Variants in RASGRF2 observed in about 807,000 individuals in gnomAD.
RASGRF2 encodes the protein Ras protein specific guanine nucleotide releasing factor 2, also known as ras-specific guanine nucleotide-releasing factor 2.
A neutral mutation model predicts 151.0 loss-of-function variants in RASGRF2; 76 were observed. The observed-to-expected ratio is 0.50, with a 90% CI of 0.42 to 0.61. The LOEUF is 0.61. Ranked by LOEUF, RASGRF2 falls within the 20% of genes least tolerant of loss-of-function variation. The pLI, the probability that RASGRF2 is intolerant of heterozygous loss-of-function variation, is 0.00. For missense variants in RASGRF2, 1,148 were observed against 1,564.6 expected (o/e 0.73, Z 4.49); for synonymous variants, 504 against 566.5 (o/e 0.89, Z 1.57).
chr5:80,972,804 C>G (rs546525502), intron 1 of RASGRF2, among the ~76,000 whole-genome samples: 101 of 152,292 alleles, frequency 6.6e-4, no homozygotes, highest in Middle Eastern at 3.4e-3. Flanking sequence ...AGTGCTTGTT[C>G]AACCTTTACC....
chr5:81,110,933 C>T (rs1369997766), intron 13 of RASGRF2, among the ~76,000 whole-genome samples: 3 of 152,190 alleles, frequency 2.0e-5, no homozygotes, highest in Admixed American at 2.0e-4. Flanking sequence ...AACGGGCCAC[C>T]CCAGTCAGCT....
intron 18 of RASGRF2, among the ~76,000 whole-genome samples, chr5:81,188,685 ACTC>A (rs1435405266): frequency 6.6e-6 from 1 of 152,182 alleles, no homozygotes; most frequent in East Asian, 1.9e-4. Flanking sequence ...ACTTACTGTG[ACTC>A]CACTCGTTTG....
At chr5:81,095,552 A>T (rs1752523876) in intron 12 of RASGRF2, among the ~76,000 whole-genome samples, 1 of 152,236 alleles carries the variant, frequency 6.6e-6, no homozygotes, top group Non-Finnish European at 1.5e-5. Flanking sequence ...AGGAAATAAT[A>T]TGATTTAGAA....
At chr5:81,049,161 TA>T (rs3991140) in intron 2 of RASGRF2, among the ~76,000 whole-genome samples, 93,281 of 116,690 alleles carry the variant, frequency 0.8, 37,851 homozygotes, top group Non-Finnish European at 0.9. Context: ...GCAAGTTCCC[TA>T]AAAAAAAAAA....
chr5:81,039,363 A>G (rs991829107), intron 1 of RASGRF2, among the ~76,000 whole-genome samples: 1 of 152,274 alleles, frequency 6.6e-6, no homozygotes, highest in African/African-American at 2.4e-5. Context: ...ACTAACCAAA[A>G]GACAAAATTA....
intron 12 of RASGRF2, among the ~76,000 whole-genome samples, chr5:81,105,734 G>A (rs1752828241): frequency 6.6e-6 from 1 of 152,002 alleles, no homozygotes; most frequent in African/African-American, 2.4e-5. Flanking sequence ...AAGGTCGCTG[G>A]GTGAAGGAGC....
chr5:81,007,919 C>G (rs922841695), intron 1 of RASGRF2, among the ~76,000 whole-genome samples: 1 of 152,104 alleles, frequency 6.6e-6, no homozygotes, highest in Non-Finnish European at 1.5e-5. Flanking sequence ...TGGAAGCATC[C>G]TCATCCCTTG....
intron 1 of RASGRF2, among the ~76,000 whole-genome samples, chr5:80,993,952 G>A (rs889141716): frequency 6.6e-6 from 1 of 152,010 alleles, no homozygotes; most frequent in African/African-American, 2.4e-5. Flanking sequence ...AGGGGCAAGT[G>A]GAAGACCCCT....
chr5:81,133,536 C>A (rs146945001), intron 17 of RASGRF2, among the ~76,000 whole-genome samples: 86 of 152,286 alleles, frequency 5.6e-4, no homozygotes, highest in African/African-American at 2.0e-3. Context: ...CAGAGCACAT[C>A]ATTGCACTTA....
chr5:80,975,697 G>T (rs1489506149), intron 1 of RASGRF2, among the ~76,000 whole-genome samples: 1 of 152,094 alleles, frequency 6.6e-6, no homozygotes, highest in Non-Finnish European at 1.5e-5. Context: ...GAGTGGTGAG[G>T]TATATATTTT....
At chr5:81,213,133 C>T (rs144098814) in intron 23 of RASGRF2, among the ~76,000 whole-genome samples, 4 of 152,304 alleles carry the variant, frequency 2.6e-5, no homozygotes, top group African/African-American at 9.6e-5. Flanking sequence ...CTGGCCTTCT[C>T]CCTGGGTGTT....
intron 12 of RASGRF2, among the ~76,000 whole-genome samples, chr5:81,097,536 A>AGGG (rs1478299087): frequency 5.3e-5 from 8 of 152,338 alleles, no homozygotes; most frequent in African/African-American, 1.9e-4. Context: ...AGAAGGTAAT[A>AGGG]GGGCAAGGTA....
At chr5:81,114,370 T>A (rs1753092631) in intron 15 of RASGRF2, among the ~76,000 whole-genome samples, 1 of 152,240 alleles carries the variant, frequency 6.6e-6, no homozygotes, top group Non-Finnish European at 1.5e-5. Context: ...CTGCTGAGGA[T>A]GAGCTAGGCT....
At chr5:80,984,213 C>G (rs539163338) in intron 1 of RASGRF2, among the ~76,000 whole-genome samples, 2 of 152,244 alleles carry the variant, frequency 1.3e-5, no homozygotes, top group East Asian at 1.9e-4. Context: ...GGCACCACAC[C>G]AGGCTAATTT....
In RASGRF2 at chr5:81,171,074, C is replaced by T. The variant is rs186551009; in HGVS notation, c.2687-9101C>T. ...TGAGGAGAAGAAAATGGCCCATTTT[C>T]ATCCTCCCTTATTAACCATCTCTAA... On this transcript the variant is annotated intron_variant, in intron 17 of 26. Coordinates refer to ENST00000265080, the MANE Select transcript of RASGRF2 (RefSeq NM_006909.3). Among the ~76,000 whole-genome samples the T allele has an allele frequency of 2.5e-3, 378 of 152,234 alleles. 2 individuals are homozygous for T. The highest frequency in any genetic ancestry group is 8.8e-3 in the African/African-American group (366 of 41,546).
chr5:81,116,158 C>CTGCAA (rs201995714), intron 15 of RASGRF2, among the ~76,000 whole-genome samples: 1,669 of 132,780 alleles, frequency 0.013, 16 homozygotes, highest in Non-Finnish European at 0.017. Context: ...TCTTGACTCA[C>CTGCAA]TGCAACCTCT....
chr5:80,996,525 C>T lies in RASGRF2; in HGVS notation c.288+35499C>T, dbSNP rs1485370028. Among the ~76,000 whole-genome samples, 338 of 57,036 alleles carry T rather than the reference C, an allele frequency of 5.9e-3. 2 individuals carry two copies. The highest frequency in any genetic ancestry group is 0.012 in the South Asian group (11 of 884). 37.4% of individuals were successfully genotyped at this position (57,036 alleles called of 152,430 possible). ...TCTTCCTCCTCCTCCTCCTCCCCCTCCTCCTCCTCCCCCTCCTCCTCCTCC... is the reference window on the plus strand; with the variant it reads ...TCTTCCTCCTCCTCCTCCTCCCCCTTCTCCTCCTCCCCCTCCTCCTCCTCC... On this transcript the variant is annotated intron_variant, in intron 1 of 26. Coordinates refer to ENST00000265080, the MANE Select transcript of RASGRF2 (RefSeq NM_006909.3).
At chr5:81,053,577 A>G (rs1446049250) in intron 2 of RASGRF2, among the ~76,000 whole-genome samples, 1 of 152,152 alleles carries the variant, frequency 6.6e-6, no homozygotes, top group Admixed American at 6.5e-5. Context: ...ATAGTGCTGC[A>G]ATAAACATAC....
At chr5:81,050,502 G>C (rs1397216282) in intron 2 of RASGRF2, among the ~76,000 whole-genome samples, 1 of 152,080 alleles carries the variant, frequency 6.6e-6, no homozygotes, top group East Asian at 1.9e-4. Context: ...GATGGAGTGA[G>C]CCAGTCCAAG....
Sources: allele counts gnomAD v4.1 joint callset (sites outside exome capture counted in the v4.1 genomes callset), GRCh38; gene constraint gnomAD v4.1.1; transcripts MANE v1.5; gene names NCBI Gene and HGNC (gene_info 2026-07-23, HGNC 2026-07-21).